Variants in HSDL2 observed in about 807,000 individuals in gnomAD.
The protein encoded by HSDL2 is hydroxysteroid dehydrogenase like 2, also known as hydroxysteroid dehydrogenase-like protein 2.
In HSDL2, 27 loss-of-function variants were observed where a neutral mutation model predicts 46.3. The observed-to-expected ratio is 0.58, with a 90% confidence interval of 0.43 to 0.80. HSDL2 has a LOEUF of 0.80. Ranked by LOEUF, HSDL2 falls within the 30% of genes least tolerant of loss-of-function variation. HSDL2 has a pLI of 0.00. For synonymous variants in HSDL2, 153 were observed against 163.6 expected, an observed-to-expected ratio of 0.94 and a Z score of 0.50; for missense variants, 451 against 502.7, an observed-to-expected ratio of 0.90 and a Z score of 0.98.
chr9:112,384,478 A>T (rs1280981235), intron 1 of HSDL2, among the ~76,000 whole-genome samples: 4 of 152,138 alleles, frequency 2.6e-5, no homozygotes. Context: ...CTCAAAGCAA[A>T]GAGATATGGC....
chr9:112,399,968 TTAAAG>T (rs1342500262), intron 1 of HSDL2, among the ~76,000 whole-genome samples: 1 of 152,206 alleles, frequency 6.6e-6, no homozygotes, highest in Non-Finnish European at 1.5e-5. Context: ...GATTAAGAGA[TTAAAG>T]TAAAGACAGG....
chr9:112,405,586 T>C, intron 2 of HSDL2, 38 bp from the exon 3 acceptor site: 1 of 1,394,502 alleles, frequency 7.2e-7, no homozygotes, highest in Non-Finnish European at 1.0e-6. Context: ...AATATTTAAA[T>C]GCTTTAACGC....
intron 3 of HSDL2, among the ~76,000 whole-genome samples, 165 bp downstream of exon 3, chr9:112,405,887 G>A (rs917465046): frequency 2.6e-5 from 4 of 152,134 alleles, no homozygotes; most frequent in African/African-American, 4.8e-5. Flanking sequence ...AAGGCTGGGC[G>A]TGGTGGCTCA....
intron 1 of HSDL2, among the ~76,000 whole-genome samples, chr9:112,389,669 G>A (rs1412141561): frequency 6.6e-6 from 1 of 152,156 alleles, no homozygotes; most frequent in African/African-American, 2.4e-5. Context: ...AACACTCACT[G>A]TCACAAAAAT....
intron 7 of HSDL2, among the ~76,000 whole-genome samples, chr9:112,440,403 CAA>C (rs1170006153): frequency 4.4e-5 from 6 of 137,340 alleles, no homozygotes; most frequent in African/African-American, 8.1e-5. Flanking sequence ...GACCCCATGT[CAA>C]AAAAAAAAAG....
At chr9:112,405,757 T>C in intron 3 of HSDL2, 35 bp downstream of exon 3, 1 of 1,284,914 alleles carries the variant, frequency 7.8e-7, no homozygotes. Flanking sequence ...TATTGGATAT[T>C]GGTAAAATAA....
intron 1 of HSDL2, among the ~76,000 whole-genome samples, chr9:112,383,633 A>G (rs929005020): frequency 2.0e-5 from 3 of 152,138 alleles, no homozygotes; most frequent in Admixed American, 6.5e-5. Context: ...TCTTGCACAT[A>G]TAGCGCTCTG....
At chr9:112,451,182 CA>C (rs1472662730) in intron 8 of HSDL2, among the ~76,000 whole-genome samples, 5 of 152,030 alleles carry the variant, frequency 3.3e-5, no homozygotes, top group African/African-American at 9.6e-5. Context: ...AAGCCCATCT[CA>C]AAAAACAGAC....
At chr9:112,436,629 C>T (rs1832529538) in intron 6 of HSDL2, among the ~76,000 whole-genome samples, 2 of 151,980 alleles carry the variant, frequency 1.3e-5, no homozygotes, top group Non-Finnish European at 2.9e-5. Context: ...ATACTAGAAA[C>T]TCACAAACCT....
At chr9:112,458,703 C>T (rs114207273) in intron 9 of HSDL2, among the ~76,000 whole-genome samples, 2,411 of 152,026 alleles carry the variant, frequency 0.016, 58 homozygotes, top group African/African-American at 0.054. Context: ...CATCACCTGC[C>T]GGGCACGGTA....
chr9:112,462,455 CCT>C (rs1362979254), intron 10 of HSDL2, among the ~76,000 whole-genome samples: 1 of 56,568 alleles, frequency 1.8e-5, no homozygotes, highest in Non-Finnish European at 3.4e-5. Flanking sequence ...TGACTGAGAC[CCT>C]GTCTCAAAAA....
chr9:112,436,960 CTTTTTT>C (rs780957603), intron 6 of HSDL2, among the ~76,000 whole-genome samples: 1 of 126,780 alleles, frequency 7.9e-6, no homozygotes, highest in African/African-American at 3.0e-5. Flanking sequence ...TTCTTTTTTT[CTTTTTT>C]TTTTTTTTTT....
chr9:112,427,635 T>TA (rs1193083642), intron 6 of HSDL2, among the ~76,000 whole-genome samples: 2 of 152,238 alleles, frequency 1.3e-5, no homozygotes, highest in African/African-American at 4.8e-5. Flanking sequence ...CTAAAGCAGT[T>TA]ACACTCATTT....
intron 6 of HSDL2, among the ~76,000 whole-genome samples, chr9:112,431,870 CTTTCTT>C (rs1832412015): frequency 9.0e-6 from 1 of 110,860 alleles, no homozygotes. Flanking sequence ...TCAGGTATTT[CTTTCTT>C]TTTTTTTTTT....
intron 6 of HSDL2, among the ~76,000 whole-genome samples, chr9:112,437,126 A>G (rs1387573673): frequency 6.6e-6 from 1 of 151,550 alleles, no homozygotes; most frequent in Non-Finnish European, 1.5e-5. Context: ...TGCTTGGCTA[A>G]TTTTTGTATT....
chr9:112,420,282 C>T (rs1001581865), intron 6 of HSDL2, among the ~76,000 whole-genome samples: 5 of 152,130 alleles, frequency 3.3e-5, no homozygotes, highest in Non-Finnish European at 7.4e-5. Flanking sequence ...CCACTGCACT[C>T]CATCCTGGGT....
At chr9:112,469,118 C>T (rs1450308532) in intron 10 of HSDL2, among the ~76,000 whole-genome samples, 1 of 152,118 alleles carries the variant, frequency 6.6e-6, no homozygotes, top group Non-Finnish European at 1.5e-5. Context: ...TAGGACACAG[C>T]TCAGTTTATT....
At chr9:112,422,128 A>G (rs989431641) in intron 6 of HSDL2, among the ~76,000 whole-genome samples, 1 of 152,204 alleles carries the variant, frequency 6.6e-6, no homozygotes, top group African/African-American at 2.4e-5. Flanking sequence ...AGTGACTGGT[A>G]TATCTGATAT....
chr9:112,468,624 C>T (rs2132721511), intron 10 of HSDL2, among the ~76,000 whole-genome samples: 1 of 152,134 alleles, frequency 6.6e-6, no homozygotes, highest in African/African-American at 2.4e-5. Context: ...CTTCTCCTCT[C>T]TCCTTCCTGT....
Sources: allele counts gnomAD v4.1 joint callset (sites outside exome capture counted in the v4.1 genomes callset), GRCh38; gene constraint gnomAD v4.1.1; transcripts MANE v1.5; gene names NCBI Gene and HGNC (gene_info 2026-07-23, HGNC 2026-07-21).